Variants in SUCLG2 observed in about 807,000 individuals in gnomAD.
SUCLG2 encodes the protein succinate-CoA ligase GDP-forming subunit beta, also known as succinate--CoA ligase [GDP-forming] subunit beta, mitochondrial.
SUCLG2 carries 42 observed loss-of-function variants against 47.9 expected under a neutral mutation model. That is an observed-to-expected ratio of 0.88 (90% confidence interval 0.69 to 1.14). The LOEUF (loss-of-function observed/expected upper bound fraction) is 1.14, where lower values mean the gene tolerates loss of function less well. Ranked by LOEUF, SUCLG2 falls within the 50% of genes most tolerant of loss-of-function variation. The pLI is 0.00. For synonymous variants in SUCLG2, 195 were observed against 197.3 expected, an observed-to-expected ratio of 0.99 and a Z score of 0.10; for missense variants, 571 against 525.9, an observed-to-expected ratio of 1.09 and a Z score of -0.84.
At chr3:67,501,240 G>A (rs1705488026) in intron 7 of SUCLG2, among the ~76,000 whole-genome samples, 2 of 152,160 alleles carry the variant, frequency 1.3e-5, no homozygotes, top group African/African-American at 4.8e-5. Flanking sequence ...TAGGACTTAA[G>A]AAAGGGGATT....
chr3:67,468,036 A>G (rs537530412), intron 9 of SUCLG2, among the ~76,000 whole-genome samples: 1 of 152,336 alleles, frequency 6.6e-6, no homozygotes, highest in East Asian at 1.9e-4. Flanking sequence ...GAGGGGCAAA[A>G]GTGTGAAATA....
intron 9 of SUCLG2, among the ~76,000 whole-genome samples, chr3:67,456,641 A>C (rs888672122): frequency 5.3e-5 from 8 of 152,238 alleles, no homozygotes; most frequent in Non-Finnish European, 8.8e-5. Flanking sequence ...CCAGACAGGA[A>C]AGAATCAAAA....
intron 9 of SUCLG2, among the ~76,000 whole-genome samples, chr3:67,450,817 C>G (rs1398686097): frequency 6.6e-6 from 1 of 152,184 alleles, no homozygotes; most frequent in Non-Finnish European, 1.5e-5. Flanking sequence ...TGTATCTGGC[C>G]CATGGCTATC....
intron 9 of SUCLG2, among the ~76,000 whole-genome samples, chr3:67,431,748 G>A (rs1351805315): frequency 6.6e-6 from 1 of 151,460 alleles, no homozygotes; most frequent in Non-Finnish European, 1.5e-5. Context: ...TGGGGTGGCG[G>A]GAGGGGGGAG....
chr3:67,393,051 C>T (rs1038926950), intron 10 of SUCLG2, among the ~76,000 whole-genome samples: 1 of 152,152 alleles, frequency 6.6e-6, no homozygotes, highest in Non-Finnish European at 1.5e-5. Flanking sequence ...CCAAGATGGC[C>T]GAAATGGAAC....
At chr3:67,502,840 A>G (rs947679332) in intron 7 of SUCLG2, among the ~76,000 whole-genome samples, 1 of 152,224 alleles carries the variant, frequency 6.6e-6, no homozygotes, top group African/African-American at 2.4e-5. Flanking sequence ...AAGGAAGAAT[A>G]TTAATAGTTG....
intron 9 of SUCLG2, among the ~76,000 whole-genome samples, chr3:67,485,255 G>T (rs890841868): frequency 5.3e-5 from 8 of 152,106 alleles, no homozygotes; most frequent in African/African-American, 1.9e-4. Context: ...AAAATATGTA[G>T]CTTGGTCCTG....
chr3:67,549,058 TAA>T (rs1295676073), intron 2 of SUCLG2, among the ~76,000 whole-genome samples: 3 of 152,180 alleles, frequency 2.0e-5, no homozygotes, highest in Non-Finnish European at 4.4e-5. Flanking sequence ...TATTTATATA[TAA>T]GTTTTTTATA....
At position 67,375,091 on chromosome 3, in the gene SUCLG2, CA is replaced by C; in HGVS notation, c.*652del. ...GGTTTTCTTTTTAGTGTGAGGTAAA[CA>C]GTATATTCAATATTAAGGCAAATGG... On this transcript the variant is annotated 3_prime_UTR_variant, in exon 11 of 11. Coordinates refer to ENST00000307227, the MANE Select transcript of SUCLG2 (RefSeq NM_003848.4). 1 of 985,644 alleles carries C rather than the reference CA, an allele frequency of 1.0e-6. No homozygotes were observed. Among genetic ancestry groups the C allele is most frequent in the Non-Finnish European group, 1.2e-6 (1 of 829,866 alleles). 61.1% of individuals were successfully genotyped at this position (985,644 alleles called of 1,614,324 possible).
intron 2 of SUCLG2, among the ~76,000 whole-genome samples, chr3:67,587,696 T>A (rs1708060573): frequency 6.6e-6 from 1 of 152,206 alleles, no homozygotes; most frequent in Non-Finnish European, 1.5e-5. Flanking sequence ...ATAAGTTTTT[T>A]AATTGTACAG....
intron 2 of SUCLG2, among the ~76,000 whole-genome samples, chr3:67,533,804 T>C (rs1180571112): frequency 6.6e-6 from 1 of 152,162 alleles, no homozygotes; most frequent in Admixed American, 6.5e-5. Flanking sequence ...AAGTTGTAAC[T>C]GGGTCAATGG....
At chr3:67,379,953 A>AG (rs1702116321) in intron 10 of SUCLG2, among the ~76,000 whole-genome samples, 2 of 152,282 alleles carry the variant, frequency 1.3e-5, no homozygotes, top group African/African-American at 4.8e-5. Flanking sequence ...TTCCTTTGTC[A>AG]GACTTGCTTA....
At chr3:67,433,040 C>A (rs185219775) in intron 9 of SUCLG2, among the ~76,000 whole-genome samples, 1 of 152,252 alleles carries the variant, frequency 6.6e-6, no homozygotes, top group African/African-American at 2.4e-5. Flanking sequence ...TCTTGTTATG[C>A]TGTACTGTTC....
In SUCLG2 at chr3:67,518,288, T is replaced by C. The variant is rs1022864302; in HGVS notation, c.619A>G (p.Met207Val). ...CCAACGAAGCCTAGATTTTCGGCCA[T>C]CCGCTGAGCTTGGCTGTCCTTTATT... ...EGIKDSQAQRMAENLGFVGPL... is the reference protein window; with the variant it reads ...EGIKDSQAQRVAENLGFVGPL... Residue 207 changes from methionine (M) to valine (V), a missense_variant, in exon 6 of 11, where the codon ATG (methionine) becomes GTG (valine). Physicochemically the swap from Met to Val is conservative, Grantham distance 21. Coordinates refer to ENST00000307227, the MANE Select transcript of SUCLG2 (RefSeq NM_003848.4). The C allele has an allele frequency of 1.2e-6, 2 of 1,612,654 alleles. No homozygotes were observed. The highest frequency in any genetic ancestry group is 1.7e-6 in the Non-Finnish European group (2 of 1,179,214).
At chr3:67,489,741 T>C (rs767221885) in intron 9 of SUCLG2, among the ~76,000 whole-genome samples, 3 of 152,180 alleles carry the variant, frequency 2.0e-5, no homozygotes, top group Non-Finnish European at 2.9e-5. Context: ...GGGTTTTGCT[T>C]TGTTACAATA....
downstream of SUCLG2, among the ~76,000 whole-genome samples, chr3:67,371,660 G>A (rs182207157): frequency 2.6e-5 from 4 of 152,294 alleles, no homozygotes; most frequent in Non-Finnish European, 5.9e-5. Flanking sequence ...CCCAAAGTAT[G>A]AGATACACAG....
intron 2 of SUCLG2, among the ~76,000 whole-genome samples, chr3:67,576,854 A>T (rs998727691): frequency 3.9e-5 from 6 of 152,224 alleles, no homozygotes; most frequent in African/African-American, 1.4e-4. Flanking sequence ...TCTAATCCTC[A>T]CTAAGAATTG....
At chr3:67,593,407 C>T (rs919827606) in intron 2 of SUCLG2, among the ~76,000 whole-genome samples, 3 of 152,020 alleles carry the variant, frequency 2.0e-5, no homozygotes, top group Admixed American at 6.5e-5. Context: ...ATAACACATT[C>T]AATTGTATAT....
intron 1 of SUCLG2, among the ~76,000 whole-genome samples, chr3:67,612,563 A>C (rs1405537535): frequency 6.6e-6 from 1 of 152,214 alleles, no homozygotes; most frequent in Admixed American, 6.5e-5. Flanking sequence ...GCTAGGCATT[A>C]TATTAAATAT....
Sources: gnomAD v4.1 joint callset for allele counts (sites outside exome capture counted in the v4.1 genomes callset) on GRCh38, gnomAD v4.1.1 for gene constraint, MANE v1.5 for transcripts, NCBI Gene and HGNC (gene_info 2026-07-23, HGNC 2026-07-21) for gene names.